CTNNA2: variants seen among roughly 807,000 people sequenced by gnomAD.
CTNNA2 encodes the protein catenin alpha 2, also known as catenin alpha-2.
Under a neutral mutation model 101.0 loss-of-function variants are expected in CTNNA2, and 42 were observed. That is an observed-to-expected ratio of 0.42 (90% CI 0.32 to 0.54). The LOEUF (loss-of-function observed/expected upper bound fraction) is 0.54, where lower values mean the gene tolerates loss of function less well. Among genes scored for constraint, CTNNA2 ranks in the 20% least tolerant of loss-of-function variants. The pLI is 0.14. For synonymous variants in CTNNA2, 450 were observed against 456.4 expected, an observed-to-expected ratio of 0.99 and a Z score of 0.18; for missense variants, 871 against 1,223.1, an observed-to-expected ratio of 0.71 and a Z score of 4.29.
At chr2:80,516,857 T>C (rs1689151048) in intron 9 of CTNNA2, among the ~76,000 whole-genome samples, 1 of 152,200 alleles carries the variant, frequency 6.6e-6, no homozygotes, top group Non-Finnish European at 1.5e-5. Flanking sequence ...ATGGTGTTCT[T>C]TTTACTTGAG....
chr2:80,625,249 G>A (rs141489264), intron 18 of CTNNA2, among the ~76,000 whole-genome samples: 25 of 151,994 alleles, frequency 1.6e-4, no homozygotes, highest in African/African-American at 6.0e-4. Flanking sequence ...CTACTCAGAG[G>A]GATAATTGCC....
chr2:79,241,929 A>G (rs1175739875), intron 2 of CTNNA2, among the ~76,000 whole-genome samples: 1 of 149,526 alleles, frequency 6.7e-6, no homozygotes, highest in South Asian at 2.1e-4. Flanking sequence ...TTTTTGAGAC[A>G]GAGTCTTGCT....
chr2:80,587,700 A>G (rs57752554), intron 14 of CTNNA2, among the ~76,000 whole-genome samples: 7 of 152,164 alleles, frequency 4.6e-5, no homozygotes, highest in African/African-American at 1.4e-4. Context: ...ATAATTTAGG[A>G]AGCATTTTTC....
At chr2:79,520,030 C>T (rs1243348116) in intron 1 of CTNNA2, among the ~76,000 whole-genome samples, 1 of 152,178 alleles carries the variant, frequency 6.6e-6, no homozygotes, top group African/African-American at 2.4e-5. Flanking sequence ...TTGCTTATCC[C>T]CCTAAATTCT....
intron 4 of CTNNA2, among the ~76,000 whole-genome samples, chr2:79,454,911 TTTTATC>T (rs1167285622): frequency 6.6e-6 from 1 of 152,182 alleles, no homozygotes; most frequent in Non-Finnish European, 1.5e-5. Flanking sequence ...TATTGGGAGT[TTTTATC>T]TTTATATAAA....
chr2:80,234,948 A>G (rs1406366566), intron 7 of CTNNA2, among the ~76,000 whole-genome samples: 1 of 152,082 alleles, frequency 6.6e-6, no homozygotes, highest in Non-Finnish European at 1.5e-5. Flanking sequence ...TCTGATAAAT[A>G]TTTACTTACC....
intron 13 of CTNNA2, among the ~76,000 whole-genome samples, chr2:80,575,511 A>G (rs1694967035): frequency 6.6e-6 from 1 of 152,098 alleles, no homozygotes; most frequent in Non-Finnish European, 1.5e-5. Flanking sequence ...TAAGAATTGG[A>G]AGAGAGGGCA....
intron 14 of CTNNA2, among the ~76,000 whole-genome samples, chr2:80,583,777 C>G (rs531622174): frequency 6.6e-6 from 1 of 152,222 alleles, no homozygotes; most frequent in South Asian, 2.1e-4. Context: ...CATTAGACTT[C>G]AAGTCAATGA....
intron 14 of CTNNA2, among the ~76,000 whole-genome samples, chr2:80,587,249 C>G (rs910022380): frequency 1.3e-5 from 2 of 152,022 alleles, no homozygotes; most frequent in African/African-American, 4.8e-5. Flanking sequence ...TAAGCCTCAG[C>G]ACAGTACCCA....
At chr2:80,617,714 A>T (rs1698971329) in intron 17 of CTNNA2, among the ~76,000 whole-genome samples, 1 of 151,954 alleles carries the variant, frequency 6.6e-6, no homozygotes, top group South Asian at 2.1e-4. Flanking sequence ...CTGCTCTCTC[A>T]TCTGCCAATT....
At chr2:80,541,361 T>C (rs1164637991) in intron 9 of CTNNA2, among the ~76,000 whole-genome samples, 3 of 152,150 alleles carry the variant, frequency 2.0e-5, no homozygotes, top group Non-Finnish European at 2.9e-5. Flanking sequence ...TATGGATCAG[T>C]ACAATTAAAG....
At chr2:79,277,310 G>C (rs953516237) in intron 2 of CTNNA2, among the ~76,000 whole-genome samples, 1 of 151,998 alleles carries the variant, frequency 6.6e-6, no homozygotes, top group Non-Finnish European at 1.5e-5. Context: ...CTTCTGGCTT[G>C]CCTCTGTGAA....
Position 80,050,908 on chromosome 2 carries a change from C to T in CTNNA2, c.1056+141111C>T, listed in dbSNP as rs575176424. Among the ~76,000 whole-genome samples, 61 of 152,046 alleles carry T rather than the reference C, an allele frequency of 4.0e-4. 2 individuals are homozygous for T. The South Asian group carries it at 0.011, about 28-fold the overall frequency. ...TTTTTTTATTTTTTGTTTTTCGTAGCGATGGAGTCTCACTATGTTGCCCAG... is the reference window on the plus strand; with the variant it reads ...TTTTTTTATTTTTTGTTTTTCGTAGTGATGGAGTCTCACTATGTTGCCCAG... On this transcript the variant is annotated intron_variant, in intron 7 of 18. Coordinates refer to ENST00000402739, the MANE Select transcript of CTNNA2 (RefSeq NM_001282597.3).
intron 9 of CTNNA2, among the ~76,000 whole-genome samples, chr2:80,430,172 A>G (rs1012453851): frequency 5.9e-5 from 9 of 152,176 alleles, no homozygotes; most frequent in Non-Finnish European, 1.3e-4. Context: ...TACCGTATGT[A>G]AACCTCCAAA....
chr2:80,547,646 C>A (rs1692190793), intron 11 of CTNNA2, among the ~76,000 whole-genome samples: 1 of 147,512 alleles, frequency 6.8e-6, no homozygotes. Context: ...ATCACCATAT[C>A]TAGAGCTTAG....
rs77189319 is a variant in CTNNA2 at position 79,658,578 on chromosome 2, G to A, written c.102+6920G>A. Among the ~76,000 whole-genome samples, 1,156 of 152,084 alleles carry A rather than the reference G, an allele frequency of 7.6e-3. 5 individuals are homozygous for A. Among genetic ancestry groups the A allele is most frequent in the Non-Finnish European group, 0.012 (798 of 67,918 alleles). On this transcript the variant is annotated intron_variant, in intron 2 of 18. Transcript: ENST00000402739. ...CAAAAGATAATTAAAACGGAAACCT[G>A]TGAAGTTATTGAGAGTTCAACCTTT... is the stretch of plus-strand genomic sequence containing the variant.
intron 7 of CTNNA2, among the ~76,000 whole-genome samples, chr2:80,190,743 A>G (rs534220128): frequency 5.9e-5 from 9 of 152,280 alleles, no homozygotes; most frequent in African/African-American, 9.6e-5. Context: ...TGGCCTAAAT[A>G]CAGTCCCATA....
chr2:79,418,926 A>G (rs1678511235), intron 4 of CTNNA2, among the ~76,000 whole-genome samples: 1 of 152,148 alleles, frequency 6.6e-6, no homozygotes, highest in Non-Finnish European at 1.5e-5. Flanking sequence ...GAGATGATTT[A>G]TTAGCACATA....
chr2:80,005,462 A>AG (rs1693269797), intron 7 of CTNNA2, among the ~76,000 whole-genome samples: 1 of 152,136 alleles, frequency 6.6e-6, no homozygotes, highest in Admixed American at 6.5e-5. Flanking sequence ...AGGGGAAAAA[A>AG]ACTTTTAGAG....
Sources: gnomAD v4.1 joint callset for allele counts (sites outside exome capture counted in the v4.1 genomes callset) on GRCh38, gnomAD v4.1.1 for gene constraint, MANE v1.5 for transcripts, NCBI Gene and HGNC (gene_info 2026-07-23, HGNC 2026-07-21) for gene names.